The following ROBO2 variants were observed in gnomAD, a reference collection of about 807,000 sequenced individuals.
The protein encoded by ROBO2 is roundabout homolog 2.
In ROBO2, 53 loss-of-function variants were observed where a neutral mutation model predicts 160.8. That is an observed-to-expected ratio of 0.33 (90% CI 0.26 to 0.41). ROBO2 has a LOEUF of 0.41. ROBO2 is among the 10% of genes least tolerant of loss of function. ROBO2 has a pLI of 1.00. For missense variants in ROBO2, 1,577 were observed against 1,722.4 expected (o/e 0.92, Z 1.49); for synonymous variants, 664 against 611.7 (o/e 1.09, Z -1.26).
chr3:76,102,876 G>A (rs1275457078), intron 2 of ROBO2, among the ~76,000 whole-genome samples: 1 of 151,202 alleles, frequency 6.6e-6, no homozygotes, highest in Non-Finnish European at 1.5e-5. Flanking sequence ...CCAGGCTGGT[G>A]TGCAGTGGTG....
intron 2 of ROBO2, among the ~76,000 whole-genome samples, chr3:76,084,265 T>C (rs1418493021): frequency 6.6e-6 from 1 of 152,126 alleles, no homozygotes; most frequent in Non-Finnish European, 1.5e-5. Context: ...GTAGACTCTT[T>C]AGTCATATGA....
intron 2 of ROBO2, among the ~76,000 whole-genome samples, chr3:76,797,061 A>C (rs1230887375): frequency 1.3e-5 from 2 of 152,124 alleles, no homozygotes; most frequent in Non-Finnish European, 2.9e-5. Flanking sequence ...TTCAACAAAA[A>C]AACATTGGAT....
At chr3:76,706,190 T>C (rs1279516486) in intron 2 of ROBO2, among the ~76,000 whole-genome samples, 1 of 152,166 alleles carries the variant, frequency 6.6e-6, no homozygotes, top group African/African-American at 2.4e-5. Flanking sequence ...TGATTTATAC[T>C]GTGCAGAAAC....
At chr3:77,413,283 AAAATGTTCTAG>A (rs1305241968) in intron 2 of ROBO2, among the ~76,000 whole-genome samples, 2 of 152,188 alleles carry the variant, frequency 1.3e-5, no homozygotes, top group Non-Finnish European at 2.9e-5. Flanking sequence ...GTGGGGACAG[AAAATGTTCTAG>A]AAAGAGGAAA....
intron 2 of ROBO2, among the ~76,000 whole-genome samples, chr3:77,395,920 C>G (rs993860703): frequency 2.0e-5 from 3 of 151,728 alleles, no homozygotes; most frequent in African/African-American, 7.3e-5. Flanking sequence ...CAGACCTGCC[C>G]CCCTTTTTTT....
chr3:76,690,249 A>T (rs536509504), intron 2 of ROBO2, among the ~76,000 whole-genome samples: 1 of 152,216 alleles, frequency 6.6e-6, no homozygotes, highest in East Asian at 1.9e-4. Flanking sequence ...AGCCATATTA[A>T]GGAGTTGGTC....
chr3:76,042,541 C>T (rs1559860700), intron 2 of ROBO2, among the ~76,000 whole-genome samples: 1 of 151,686 alleles, frequency 6.6e-6, no homozygotes, highest in Non-Finnish European at 1.5e-5. Flanking sequence ...TTATTTTTAC[C>T]CTTGAGGGAA....
exon 21 of ROBO2, chr3:77,607,888 C>A: frequency 6.2e-7 from 1 of 1,613,566 alleles, no homozygotes; most frequent in Non-Finnish European, 8.5e-7. Flanking sequence ...CCTCTACCTC[C>A]CCCCCCAGTC....
At chr3:77,058,705 T>C (rs1250914488) in intron 1 of ROBO2, among the ~76,000 whole-genome samples, 2 of 151,734 alleles carry the variant, frequency 1.3e-5, no homozygotes, top group Non-Finnish European at 2.9e-5. Flanking sequence ...AATTTTTTTT[T>C]TTTTGTATTT....
intron 2 of ROBO2, among the ~76,000 whole-genome samples, chr3:77,161,457 C>G (rs894688691): frequency 9.9e-5 from 15 of 152,166 alleles, no homozygotes; most frequent in Admixed American, 3.9e-4. Context: ...TGTGTACACA[C>G]TCTTAGATGA....
At chr3:77,111,942 T>G (rs1257432598) in intron 2 of ROBO2, among the ~76,000 whole-genome samples, 1 of 152,086 alleles carries the variant, frequency 6.6e-6, no homozygotes, top group Non-Finnish European at 1.5e-5. Context: ...CTGGGCGCGG[T>G]GGCTCACGCC....
rs140741968 is a variant in ROBO2 at position 76,383,363 on chromosome 3, T to C, written c.109+445761T>C. Among the ~76,000 whole-genome samples the C allele has an allele frequency of 3.8e-4, 58 of 152,320 alleles. No homozygotes were observed. In the East Asian group the frequency reaches 0.01, roughly 27 times the overall value. ...AAACAACTCCAGCTTCCAGATGAGA[T>C]ACATAAATCAAAACAGATTAATATT... On this transcript the variant is annotated intron_variant, in intron 2 of 26. Transcript: ENST00000487694.
intron 2 of ROBO2, among the ~76,000 whole-genome samples, chr3:76,643,310 T>G (rs373084332): frequency 6.6e-6 from 1 of 152,104 alleles, no homozygotes; most frequent in East Asian, 1.9e-4. Context: ...ACTAGATAAA[T>G]GTGAATTATG....
intron 2 of ROBO2, among the ~76,000 whole-genome samples, chr3:77,415,853 G>A (rs2077174056): frequency 6.6e-6 from 1 of 152,124 alleles, no homozygotes; most frequent in African/African-American, 2.4e-5. Flanking sequence ...TGCCCGCAGT[G>A]CAGCAAACAG....
intron 2 of ROBO2, among the ~76,000 whole-genome samples, chr3:76,699,202 G>A (rs984201591): frequency 4.6e-5 from 7 of 152,080 alleles, no homozygotes; most frequent in Admixed American, 1.3e-4. Flanking sequence ...GATCTTTTCC[G>A]ACCTCTAAGC....
At chr3:76,624,775 T>G (rs1308435480) in intron 2 of ROBO2, among the ~76,000 whole-genome samples, 1 of 127,048 alleles carries the variant, frequency 7.9e-6, no homozygotes, top group Non-Finnish European at 1.6e-5. Context: ...CCAGCCTGAG[T>G]GACAGAGTGA....
intron 2 of ROBO2, among the ~76,000 whole-genome samples, chr3:76,765,060 C>T (rs190298864): frequency 5.2e-4 from 79 of 151,730 alleles, no homozygotes; most frequent in African/African-American, 1.6e-3. Flanking sequence ...CATCCCTCTC[C>T]GACCCTTCCA....
intron 1 of ROBO2, among the ~76,000 whole-genome samples, chr3:77,097,085 G>A (rs555710653): frequency 6.6e-6 from 1 of 152,272 alleles, no homozygotes; most frequent in East Asian, 1.9e-4. Flanking sequence ...CCGTGTAAAA[G>A]AATAGTCATA....
At chr3:77,441,231 T>C (rs2079889189) in intron 2 of ROBO2, among the ~76,000 whole-genome samples, 1 of 151,836 alleles carries the variant, frequency 6.6e-6, no homozygotes, top group Non-Finnish European at 1.5e-5. Context: ...CTTAATTTAA[T>C]CCAAGAAACA....
Sources: allele counts gnomAD v4.1 joint callset (sites outside exome capture counted in the v4.1 genomes callset), GRCh38; gene constraint gnomAD v4.1.1; transcripts MANE v1.5; gene names NCBI Gene and HGNC (gene_info 2026-07-23, HGNC 2026-07-21).